The following APOH variants were observed in gnomAD, a reference collection of about 807,000 sequenced individuals.
The protein encoded by APOH is beta-2-glycoprotein 1.
APOH carries 48 observed loss-of-function variants against 39.8 expected under a neutral mutation model. That is an observed-to-expected ratio of 1.21 (90% CI 0.96 to 1.54). The LOEUF is 1.54. APOH is among the 40% of genes most tolerant of loss of function. APOH has a pLI of 0.00. For synonymous variants in APOH, 153 were observed against 151.1 expected (o/e 1.01, Z -0.09); for missense variants, 415 against 421.2 (o/e 0.99, Z 0.13).
intron 6 of APOH, 140 bp downstream of exon 6, chr17:66,216,648 A>G: frequency 1.4e-6 from 1 of 722,200 alleles, no homozygotes; most frequent in South Asian, 2.2e-5. Context: ...TGCACCTGTG[A>G]GTCCTGAAGT....
intron 7 of APOH, 117 bp downstream of exon 7, chr17:66,214,336 G>T: frequency 1.0e-6 from 1 of 965,590 alleles, no homozygotes; most frequent in Non-Finnish European, 1.6e-6. Flanking sequence ...TGGGATTACA[G>T]GCGTGACCCA....
intron 7 of APOH, among the ~76,000 whole-genome samples, chr17:66,214,122 C>T (rs976376134): frequency 8.5e-5 from 13 of 152,210 alleles, no homozygotes; most frequent in Admixed American, 2.0e-4. Context: ...TGCAATGGCG[C>T]GATCTCGGCT....
chr17:66,227,121 C>T (rs8178827), intron 2 of APOH, among the ~76,000 whole-genome samples: 105,631 of 151,912 alleles, frequency 0.7, 38,047 homozygotes, highest in East Asian at 0.92. Flanking sequence ...TGACCTCAGG[C>T]GATCCACCCA....
At position 66,214,599 on chromosome 17, in the gene APOH, C is replaced by T. The variant is rs1276761807; in HGVS notation, c.836G>A (p.Arg279Lys). ...CTTAAATTTTTCCTGAATCTTTACTCTCTCTCCTTGGTACACCACAGTGGC... is the reference window on the plus strand; with the variant it reads ...CTTAAATTTTTCCTGAATCTTTACTTTCTCTCCTTGGTACACCACAGTGGC... ...KKATVVYQGE[R>K]VKIQEKFKNG... is the part of the protein sequence containing the mutation. The change falls in exon 7 of 8, where the codon AGA (arginine) becomes AAA (lysine). Residue 279 changes from arginine to lysine, a missense_variant. Transcript: ENST00000205948. The T allele has an allele frequency of 1.9e-6, 3 of 1,613,928 alleles. No individual in the cohort carries two copies. Among genetic ancestry groups the T allele is most frequent in the African/African-American group, 2.7e-5 (2 of 74,900 alleles).
intron 2 of APOH, among the ~76,000 whole-genome samples, chr17:66,226,898 T>TA (rs60368639): frequency 0.35 from 51,703 of 146,256 alleles, 10,244 homozygotes; most frequent in East Asian, 0.76. Context: ...TTTATTTATT[T>TA]TTTTTTTTGA....
intron 7 of APOH, among the ~76,000 whole-genome samples, chr17:66,212,569 G>A (rs534991365): frequency 2.0e-5 from 3 of 152,156 alleles, no homozygotes; most frequent in Non-Finnish European, 4.4e-5. Context: ...ATTTTTAGTA[G>A]AGACTGGGTT....
rs367762226 is a variant in APOH, at chr17:66,223,217, A to G, written c.415+481T>C. On this transcript the variant is annotated intron_variant, in intron 4 of 7. Transcript: ENST00000205948. The stretch of plus-strand genomic sequence containing the variant: ...CTGCCTCCTTTGGCCTTGCAGCCTC[A>G]GTGCTAACAAGAGGATCCAGCATAC... Among the ~76,000 whole-genome samples, 86 of 152,366 alleles carry G rather than the reference A, an allele frequency of 5.6e-4. 1 individual carries two copies. The highest frequency in any genetic ancestry group is 5.0e-3 in the South Asian group (24 of 4,826).
Position 66,212,172 on chromosome 17 carries a change from A to G in APOH, c.999T>C (p.Ala333=). Residue 333 remains alanine (A), a synonymous_variant, in exon 8 of 8, where the codon GCT becomes GCC. Transcript: ENST00000205948. ...CATCGGATGCATCAGTTTTCCAAAA[A>G]GCCAGAGAACTGTGTTCTGTTGGGG... The part of the protein sequence containing the change: ...PKCFKEHSSL[A]FWKTDASDVK... 1 of 1,613,970 alleles carries G rather than the reference A, an allele frequency of 6.2e-7. No homozygotes were observed. The highest frequency in any genetic ancestry group is 8.5e-7 in the Non-Finnish European group (1 of 1,179,820).
intron 4 of APOH, 56 bp from the exon 5 acceptor site, chr17:66,220,798 C>A: frequency 6.9e-7 from 1 of 1,456,298 alleles, no homozygotes; most frequent in Admixed American, 2.2e-5. Context: ...TTTAAATATA[C>A]TCTTTCCAGA....
At chr17:66,213,641 A>G (rs1224617205) in intron 7 of APOH, among the ~76,000 whole-genome samples, 3 of 152,186 alleles carry the variant, frequency 2.0e-5, no homozygotes, top group Non-Finnish European at 4.4e-5. Context: ...GTTTTACAGA[A>G]AAGACTTAGA....
At chr17:66,220,868 G>C in intron 4 of APOH, 126 bp from the exon 5 acceptor site, 1 of 1,023,054 alleles carries the variant, frequency 9.8e-7, no homozygotes, top group African/African-American at 1.6e-5. Context: ...AATTAGCAGG[G>C]TAAAAATTGT....
Position 66,223,697 on chromosome 17 carries a change from C to G in APOH, c.415+1G>C, listed in dbSNP as rs113148457. 3.1e-6 allele frequency: 5 copies of G among 1,614,028 alleles called. No individual in the cohort carries two copies. Among genetic ancestry groups the G allele is most frequent in the Non-Finnish European group, 3.4e-6 (4 of 1,179,870 alleles). ...GCTGATCACCTTGCCCACAGACTTA[C>G]GAGCACAGACAGGAAGCTCCGGGCT... On this transcript the variant is annotated splice_donor_variant, in intron 4 of 7. Transcript: ENST00000205948. LOFTEE classifies it high-confidence loss of function.
rs141252899 is a variant in APOH at position 66,223,698 on chromosome 17, G to A, written c.415C>T (p.Pro139Ser). The stretch of plus-strand genomic sequence containing the variant: ...CTGATCACCTTGCCCACAGACTTAC[G>A]AGCACAGACAGGAAGCTCCGGGCTC... ...KWSPELPVCA[P>S]IICPPPSIPT... The change falls in exon 4 of 8, where the codon CCC becomes TCC. Residue 139 changes from proline to serine, a missense_variant and splice_region_variant. By Grantham distance (74) the Pro-to-Ser change is moderately conservative (BLOSUM62 -1). Coordinates refer to ENST00000205948, the MANE Select transcript of APOH (RefSeq NM_000042.3). 70 of 1,613,948 alleles carry A rather than the reference G, an allele frequency of 4.3e-5. No individual in the cohort carries two copies. The Middle Eastern group carries it at 8.2e-4, about 19-fold the overall frequency.
At chr17:66,223,000 A>C (rs1015743993) in intron 4 of APOH, among the ~76,000 whole-genome samples, 4 of 152,220 alleles carry the variant, frequency 2.6e-5, no homozygotes, top group African/African-American at 9.6e-5. Context: ...GTCCTTCCCT[A>C]CATAAGCAAA....
chr17:66,226,996 C>T lies in APOH; in HGVS notation c.242-872G>A, dbSNP rs111634324. ...CTCTGCCTCCCAGGTGATTCTCCTG[C>T]CTCAGCCTCCTGAGTAGCTGGGACT... is the stretch of plus-strand genomic sequence containing the variant. On this transcript the variant is annotated intron_variant, in intron 2 of 7. Transcript: ENST00000205948. Among the ~76,000 whole-genome samples, 768 of 152,086 alleles carry T rather than the reference C, an allele frequency of 5.0e-3. 9 individuals are homozygous for T. Among genetic ancestry groups the T allele is most frequent in the African/African-American group, 0.018 (731 of 41,466 alleles).
At chr17:66,218,587 A>G (rs1010865707) in intron 5 of APOH, among the ~76,000 whole-genome samples, 11 of 152,164 alleles carry the variant, frequency 7.2e-5, no homozygotes, top group African/African-American at 2.7e-4. Flanking sequence ...ATGTATTCTT[A>G]ACAGTAATAT....
intron 1 of APOH, chr17:66,228,499 T>C: frequency 4.0e-6 from 1 of 251,358 alleles, no homozygotes; most frequent in Non-Finnish European, 7.7e-6. Flanking sequence ...CAGCATCCAC[T>C]CTAAAGAGAA....
At chr17:66,225,956 T>A in intron 3 of APOH, 72 bp downstream of exon 3, 1 of 1,041,514 alleles carries the variant, frequency 9.6e-7, no homozygotes, top group Non-Finnish European at 1.5e-6. Flanking sequence ...TATAGACCAG[T>A]CTTGATGTTT....
At chr17:66,222,831 A>G (rs1000710727) in intron 4 of APOH, among the ~76,000 whole-genome samples, 13 of 152,114 alleles carry the variant, frequency 8.5e-5, no homozygotes, top group African/African-American at 3.1e-4. Flanking sequence ...TCGGACTCCC[A>G]AAGTGCTGGC....
Sources: allele counts gnomAD v4.1 joint callset (sites outside exome capture counted in the v4.1 genomes callset), GRCh38; gene constraint gnomAD v4.1.1; transcripts MANE v1.5; gene names NCBI Gene and HGNC (gene_info 2026-07-23, HGNC 2026-07-21).